The following ITPR3 variants were observed in gnomAD, a reference collection of about 807,000 sequenced individuals.
ITPR3 encodes inositol 1,4,5-trisphosphate receptor type 3, also known as inositol 1,4,5-trisphosphate-gated calcium channel ITPR3.
Under a neutral mutation model 293.2 loss-of-function variants are expected in ITPR3, and 173 were observed. That is an observed-to-expected ratio of 0.59 (90% CI 0.52 to 0.67). The LOEUF (loss-of-function observed/expected upper bound fraction) is 0.67. Among genes scored for constraint, ITPR3 ranks in the 30% least tolerant of loss-of-function variants. ITPR3 has a pLI of 0.00. For missense variants in ITPR3, 2,796 were observed against 3,592.1 expected (o/e 0.78, Z 5.66); for synonymous variants, 1,295 against 1,444.4 (o/e 0.90, Z 2.35).
In ITPR3 at chr6:33,670,939, C is replaced by A; in HGVS notation, c.2586+124C>A. ...ACCCCACTTCCTTCTGTGTCCCCAG[C>A]CAGTGCAGGGGGACCGCATAGAAGG... On this transcript the variant is annotated intron_variant, in intron 20 of 57. Coordinates refer to ENST00000605930, the MANE Select transcript of ITPR3 (RefSeq NM_002224.4). This position sits in a 1 kb window ranked among gnomAD's most constrained non-coding sequence, Gnocchi z 6.7. 1 of 1,362,718 alleles carries A rather than the reference C, an allele frequency of 7.3e-7. No homozygotes were observed. 84.4% of individuals were successfully genotyped at this position (1,362,718 alleles called of 1,614,324 possible). A position where few individuals can be genotyped will look rare whatever the true frequency, so the allele number is the denominator to read the frequency against.
At position 33,686,474 on chromosome 6, in the gene ITPR3, C is replaced by A. The variant is rs748200030; in HGVS notation, c.5934C>A (p.Ile1978=). Residue 1978 remains isoleucine, a synonymous_variant, in exon 43 of 58, where the codon ATC becomes ATA. Transcript: ENST00000605930. ...DIITALILND[I]SPLCKYRMDL... Reference sequence around the variant, plus strand: ...TCACCGCACTGATCCTCAATGACATCAGCCCCCTGTGCAAGTACCGCATGG... The same window carrying A: ...TCACCGCACTGATCCTCAATGACATAAGCCCCCTGTGCAAGTACCGCATGG... The A allele has an allele frequency of 6.2e-7, 1 of 1,614,118 alleles. No homozygotes were observed. Among genetic ancestry groups the A allele is most frequent in the Non-Finnish European group, 8.5e-7 (1 of 1,180,042 alleles).
chr6:33,686,692 T>C (rs1457550723), intron 43 of ITPR3, among the ~76,000 whole-genome samples, 173 bp downstream of exon 43: 1 of 152,174 alleles, frequency 6.6e-6, no homozygotes, highest in Non-Finnish European at 1.5e-5. Context: ...GTGTGTGTAA[T>C]ATACGCATGT....
In ITPR3 at chr6:33,665,845, C is replaced by T; in HGVS notation, c.1420C>T (p.Gln474Ter). The T allele has an allele frequency of 6.2e-7, 1 of 1,614,078 alleles. No individual in the cohort carries two copies. The highest frequency in any genetic ancestry group is 8.5e-7 in the Non-Finnish European group (1 of 1,179,942). The change falls in exon 14 of 58, where the codon CAG (glutamine) becomes TAG (stop). Residue 474 changes from glutamine to a stop codon, truncating the protein, a stop_gained. Transcript: ENST00000605930. LOFTEE classifies it high-confidence loss of function. Reference sequence around the variant, plus strand: ...GGTCCCCTCACCCAGGTTTGTCATCCAGCTGCTGGAAGACCTGGTGTTCTT... The same window carrying T: ...GGTCCCCTCACCCAGGTTTGTCATCTAGCTGCTGGAAGACCTGGTGTTCTT... ...ISQNDRRFVI[Q>*]LLEDLVFFVS...
At position 33,687,990 on chromosome 6, in the gene ITPR3, G is replaced by A. The variant is rs1008788469; in HGVS notation, c.6265-67G>A. On this transcript the variant is annotated intron_variant, in intron 46 of 57. Transcript: ENST00000605930. This position sits in a 1 kb window ranked among gnomAD's most constrained non-coding sequence, Gnocchi z 5.3. ...CAGAGCTAGGCGAAGGCCTGGGAGG[G>A]TGGGGGCTGAGTGCCAGCCTGGATG... 4.6e-6 allele frequency: 6 copies of A among 1,294,550 alleles called. No individual in the cohort carries two copies. The highest frequency in any genetic ancestry group is 6.6e-6 in the Non-Finnish European group (6 of 912,086). 80.2% of individuals were successfully genotyped at this position (1,294,550 alleles called of 1,614,324 possible). A position where few individuals can be genotyped will look rare whatever the true frequency, so the allele number is the denominator to read the frequency against.
chr6:33,695,523 T>C, intron 57 of ITPR3, 189 bp from the exon 58 acceptor site: 2 of 619,780 alleles, frequency 3.2e-6, no homozygotes, highest in South Asian at 1.9e-5. Flanking sequence ...TGTGACACGC[T>C]AATTGAGAAC....
rs1252723728 is a variant in ITPR3, at chr6:33,670,243, G to A, written c.2190-82G>A. 4.0e-6 allele frequency: 6 copies of A among 1,487,342 alleles called. No individual in the cohort carries two copies. In the African/African-American group the frequency reaches 6.9e-5, roughly 17 times the overall value. The allele number at this position is 1,487,342 out of a possible 1,614,324, so 92.1% of individuals were successfully genotyped here. A position where few individuals can be genotyped will look rare whatever the true frequency, so the allele number is the denominator to read the frequency against. The stretch of plus-strand genomic sequence containing the variant: ...CCTAATCCCTTTGCCACTTTACTGA[G>A]TCCTCACCAAGTCTAGTGCCCAGTG... On this transcript the variant is annotated intron_variant, in intron 18 of 57. Transcript: ENST00000605930. The surrounding 1 kb of genome is among the most constrained non-coding windows in gnomAD (Gnocchi z 6.7).
At chr6:33,640,649 T>C (rs1763927689) in intron 2 of ITPR3, 95 bp downstream of exon 2, 1 of 1,051,530 alleles carries the variant, frequency 9.5e-7, no homozygotes, top group Non-Finnish European at 1.4e-6. Context: ...CCCCAGTGGC[T>C]GGATTAGATG....
intron 2 of ITPR3, among the ~76,000 whole-genome samples, chr6:33,641,044 G>A (rs1303307599): frequency 6.6e-6 from 1 of 152,232 alleles, no homozygotes; most frequent in African/African-American, 2.4e-5. Flanking sequence ...GTCCTGCCCT[G>A]CAGGAGGCTC....
chr6:33,662,807 A>G, intron 8 of ITPR3, 104 bp from the exon 9 acceptor site: 23 of 1,487,496 alleles, frequency 1.5e-5, no homozygotes, highest in Non-Finnish European at 2.0e-5. Context: ...AAGGCCAGAG[A>G]GGGTCCAGAA....
Position 33,659,124 on chromosome 6 carries a change from G to T in ITPR3, c.627+5G>T. The stretch of plus-strand genomic sequence containing the variant: ...GACAACGCCGGCTGCAAGGAGGTGA[G>T]GGGGTGGGGGGTCAGCCATGCAGTG... On this transcript the variant is annotated splice_donor_5th_base_variant and intron_variant, in intron 6 of 57. Transcript: ENST00000605930. 1.2e-6 allele frequency: 2 copies of T among 1,613,112 alleles called. No individual in the cohort carries two copies. The highest frequency in any genetic ancestry group is 8.5e-7 in the Non-Finnish European group (1 of 1,179,478).
intron 29 of ITPR3, 46 bp from the exon 30 acceptor site, chr6:33,678,592 TG>T: frequency 2.2e-6 from 2 of 896,334 alleles, no homozygotes; most frequent in South Asian, 1.6e-5. Context: ...GGATGGGGGG[TG>T]GGGGCGGGGC....
chr6:33,637,667 TGCCCA>T (rs1763854779), intron 1 of ITPR3, among the ~76,000 whole-genome samples: 1 of 151,620 alleles, frequency 6.6e-6, no homozygotes, highest in Non-Finnish European at 1.5e-5. Flanking sequence ...TTTGCTCTGT[TGCCCA>T]GGCTGGAGTG....
At chr6:33,636,928 A>G (rs1436818948) in intron 1 of ITPR3, among the ~76,000 whole-genome samples, 1 of 152,212 alleles carries the variant, frequency 6.6e-6, no homozygotes. Flanking sequence ...CCGTCCCGTC[A>G]TTCTGCAGTC....
chr6:33,694,691 TGCCTAACGG>T, intron 56 of ITPR3: 3 of 539,624 alleles, frequency 5.6e-6, no homozygotes, highest in South Asian at 4.6e-5. Flanking sequence ...CTGCCGACGC[TGCCTAACGG>T]AAGTCAGCCT....
At chr6:33,636,874 A>C (rs909684433) in intron 1 of ITPR3, among the ~76,000 whole-genome samples, 1 of 152,128 alleles carries the variant, frequency 6.6e-6, no homozygotes, top group African/African-American at 2.4e-5. Context: ...GGGACTAAGC[A>C]GGTGCTGGAG....
chr6:33,627,709 G>A (rs1434254411), intron 1 of ITPR3, among the ~76,000 whole-genome samples: 1 of 152,144 alleles, frequency 6.6e-6, no homozygotes, highest in Non-Finnish European at 1.5e-5. Flanking sequence ...GTGGTGGAGG[G>A]GTATAGGAAC....
At chr6:33,680,701 C>A (rs1210599604) in intron 33 of ITPR3, 21 bp downstream of exon 33, 23 of 1,597,656 alleles carry the variant, frequency 1.4e-5, no homozygotes, top group Non-Finnish European at 1.7e-5. Context: ...CCTCTCCCAC[C>A]ACCCCAGGGC....
Position 33,664,967 on chromosome 6 carries a change from ATGG to A in ITPR3, c.1248+1_1248+3del. On this transcript the variant is annotated splice_donor_variant and coding_sequence_variant, in exon 12 of 58. Coordinates refer to ENST00000605930, the MANE Select transcript of ITPR3 (RefSeq NM_002224.4). LOFTEE classifies it high-confidence loss of function. The surrounding 1 kb of genome is among the most constrained non-coding windows in gnomAD (Gnocchi z 4.4). ...CGAGGAGGAGCGGCCCATCCGGCTC[ATGG>A]TGCGTGTCCCTGGGGTGGGGGTGGG... 2 of 629,026 alleles carry A rather than the reference ATGG, an allele frequency of 3.2e-6. No homozygotes were observed. Among genetic ancestry groups the A allele is most frequent in the Non-Finnish European group, 5.7e-6 (2 of 351,730 alleles). The allele number at this position is 629,026 out of a possible 1,614,324, so 39.0% of individuals were successfully genotyped here.
At chr6:33,659,419 G>A in intron 6 of ITPR3, 47 bp from the exon 7 acceptor site, 1 of 1,550,058 alleles carries the variant, frequency 6.5e-7, no homozygotes, top group Non-Finnish European at 8.9e-7. Context: ...TGGGCCCTCA[G>A]TGGCTGGGGT....
Sources: allele counts gnomAD v4.1 joint callset (sites outside exome capture counted in the v4.1 genomes callset), GRCh38; gene constraint gnomAD v4.1.1; non-coding constraint Gnocchi (gnomAD v3.1); transcripts MANE v1.5; gene names NCBI Gene and HGNC (gene_info 2026-07-23, HGNC 2026-07-21).